Variants in ROR2 observed in about 807,000 individuals in gnomAD.
ROR2 encodes the protein tyrosine-protein kinase transmembrane receptor ROR2.
In ROR2, 33 loss-of-function variants were observed where a neutral mutation model predicts 74.9. The observed-to-expected ratio is 0.44, with a 90% CI of 0.33 to 0.59. ROR2 has a LOEUF of 0.59. Ranked by LOEUF, ROR2 falls within the 20% of genes least tolerant of loss-of-function variation. The probability of loss-of-function intolerance (pLI) is 0.02; values close to 1 mark genes in which losing one functional copy is unlikely to be tolerated. For synonymous variants in ROR2, 586 were observed against 558.7 expected (o/e 1.05, Z -0.69); for missense variants, 1,216 against 1,313.8 (o/e 0.93, Z 1.15).
chr9:91,761,053 CAG>C (rs1332559938), intron 2 of ROR2, among the ~76,000 whole-genome samples: 41 of 152,176 alleles, frequency 2.7e-4, no homozygotes, highest in African/African-American at 8.9e-4. Flanking sequence ...TTACCACAAA[CAG>C]GGGTGTAAAG....
intron 1 of ROR2, chr9:91,948,647 C>G: frequency 1.0e-6 from 1 of 985,502 alleles, no homozygotes; most frequent in Non-Finnish European, 1.2e-6. Flanking sequence ...ACCTGGAGCG[C>G]GCAGCTCCCA....
intron 2 of ROR2, among the ~76,000 whole-genome samples, 167 bp from the exon 3 acceptor site, chr9:91,757,726 A>G (rs886267963): frequency 2.0e-5 from 3 of 152,136 alleles, no homozygotes; most frequent in Non-Finnish European, 4.4e-5. Flanking sequence ...TACAGGGAAC[A>G]CTGAATTAGT....
intron 1 of ROR2, among the ~76,000 whole-genome samples, chr9:91,868,214 A>G (rs1005486636): frequency 5.3e-5 from 8 of 152,220 alleles, no homozygotes; most frequent in African/African-American, 1.7e-4. Context: ...GAAGGAAAAC[A>G]TATAATAACT....
At chr9:91,823,338 CTT>C (rs112058068) in intron 1 of ROR2, among the ~76,000 whole-genome samples, 1 of 145,204 alleles carries the variant, frequency 6.9e-6, no homozygotes, top group Admixed American at 6.9e-5. Flanking sequence ...TTCAGCAACA[CTT>C]TTTTTTTTTT....
At chr9:91,872,961 CTG>C (rs545207651) in intron 1 of ROR2, among the ~76,000 whole-genome samples, 1 of 152,238 alleles carries the variant, frequency 6.6e-6, no homozygotes, top group African/African-American at 2.4e-5. Flanking sequence ...ATTTTTAACT[CTG>C]TAAAAGAACC....
intron 1 of ROR2, among the ~76,000 whole-genome samples, chr9:91,844,431 C>T (rs893616121): frequency 2.6e-5 from 4 of 152,166 alleles, no homozygotes; most frequent in African/African-American, 4.8e-5. Flanking sequence ...CCGCCTCCTT[C>T]GTGCCACTTG....
At chr9:91,913,876 G>A (rs991722630) in intron 1 of ROR2, among the ~76,000 whole-genome samples, 2 of 152,094 alleles carry the variant, frequency 1.3e-5, no homozygotes, top group African/African-American at 2.4e-5. Flanking sequence ...TGAAAAGTTC[G>A]GGAGATGGAT....
At chr9:91,874,416 A>G (rs1829898647) in intron 1 of ROR2, among the ~76,000 whole-genome samples, 2 of 150,644 alleles carry the variant, frequency 1.3e-5, no homozygotes, top group South Asian at 4.2e-4. Context: ...TAAGTATTTA[A>G]TTGATGAACT....
intron 1 of ROR2, among the ~76,000 whole-genome samples, chr9:91,893,511 G>A (rs1469067995): frequency 6.6e-6 from 1 of 151,888 alleles, no homozygotes; most frequent in Non-Finnish European, 1.5e-5. Flanking sequence ...CTCCACTGGG[G>A]GACACGCCTC....
chr9:91,826,787 AAAAAAAAG>A (rs1439382896), intron 1 of ROR2, among the ~76,000 whole-genome samples: 6 of 143,110 alleles, frequency 4.2e-5, no homozygotes, highest in Admixed American at 2.9e-4. Flanking sequence ...CCGTCTCAAA[AAAAAAAAG>A]AAAAAAGAAA....
chr9:91,827,758 C>T (rs894055384), intron 1 of ROR2, among the ~76,000 whole-genome samples: 1 of 152,210 alleles, frequency 6.6e-6, no homozygotes, highest in African/African-American at 2.4e-5. Flanking sequence ...ATAACCAAAA[C>T]GTGTTCCATC....
At chr9:91,790,352 A>G (rs972810978) in intron 1 of ROR2, among the ~76,000 whole-genome samples, 1 of 151,552 alleles carries the variant, frequency 6.6e-6, no homozygotes, top group Non-Finnish European at 1.5e-5. Context: ...AAAAAAAAAA[A>G]TACAAAAATT....
chr9:91,836,658 C>T (rs1333462263), intron 1 of ROR2, among the ~76,000 whole-genome samples: 1 of 152,262 alleles, frequency 6.6e-6, no homozygotes, highest in East Asian at 1.9e-4. Flanking sequence ...CCCTGCCCCA[C>T]CCCCGGTCTG....
rs76629524 is a variant in ROR2 at position 91,835,832 on chromosome 9, A to C, written c.98-60014T>G. ...GAAGGTCTCCCACAAAACCTTTCTC[A>C]AGAAGACACCACAAAAACACTCTCA... On this transcript the variant is annotated intron_variant, in intron 1 of 8. Transcript: ENST00000375708. Among the ~76,000 whole-genome samples the C allele has an allele frequency of 5.7e-3, 863 of 152,224 alleles. 12 individuals are homozygous for C. Among genetic ancestry groups the C allele is most frequent in the African/African-American group, 0.019 (801 of 41,530 alleles).
At chr9:91,927,717 C>T (rs1831447150) in intron 1 of ROR2, among the ~76,000 whole-genome samples, 1 of 152,016 alleles carries the variant, frequency 6.6e-6, no homozygotes, top group African/African-American at 2.4e-5. Context: ...GTGCATGCCA[C>T]CACACTTGGC....
intron 1 of ROR2, among the ~76,000 whole-genome samples, chr9:91,921,065 G>A (rs1263404928): frequency 6.6e-6 from 1 of 152,242 alleles, no homozygotes; most frequent in Admixed American, 6.5e-5. Context: ...CTGTGGAGTG[G>A]ACACTCATGT....
chr9:91,852,650 C>CAAA (rs1491399294), intron 1 of ROR2, among the ~76,000 whole-genome samples: 1 of 149,144 alleles, frequency 6.7e-6, no homozygotes, highest in Non-Finnish European at 1.5e-5. Flanking sequence ...CACACACACA[C>CAAA]CCACACACAC....
intron 1 of ROR2, among the ~76,000 whole-genome samples, chr9:91,933,848 C>T (rs1034048014): frequency 6.6e-5 from 10 of 151,908 alleles, no homozygotes; most frequent in African/African-American, 2.2e-4. Flanking sequence ...AAGGCGGGGA[C>T]GGGGAAATGG....
intron 1 of ROR2, among the ~76,000 whole-genome samples, chr9:91,799,230 G>T (rs970815115): frequency 6.6e-6 from 1 of 152,132 alleles, no homozygotes; most frequent in Non-Finnish European, 1.5e-5. Flanking sequence ...CTGCCCCAGG[G>T]GACACTGCCA....
Sources: allele counts gnomAD v4.1 joint callset (sites outside exome capture counted in the v4.1 genomes callset), GRCh38; gene constraint gnomAD v4.1.1; transcripts MANE v1.5; gene names NCBI Gene and HGNC (gene_info 2026-07-23, HGNC 2026-07-21).